DNMT3B: variants seen among roughly 807,000 people sequenced by gnomAD.
DNMT3B encodes DNA (cytosine-5)-methyltransferase 3B.
DNMT3B carries 37 observed loss-of-function variants against 120.2 expected under a neutral mutation model. The observed-to-expected ratio is 0.31, with a 90% CI of 0.24 to 0.40. The LOEUF is 0.40. Ranked by LOEUF, DNMT3B falls within the 10% of genes least tolerant of loss-of-function variation. The pLI is 1.00. For missense variants in DNMT3B, 878 were observed against 1,137.3 expected, an observed-to-expected ratio of 0.77 and a Z score of 3.28; for synonymous variants, 412 against 442.8, an observed-to-expected ratio of 0.93 and a Z score of 0.87.
intron 3 of DNMT3B, among the ~76,000 whole-genome samples, chr20:32,784,534 T>C (rs1363034589): frequency 2.0e-5 from 3 of 152,172 alleles, no homozygotes; most frequent in Admixed American, 2.0e-4. Flanking sequence ...GTGTGAGGCC[T>C]GCACGAGGAA....
Position 32,770,811 on chromosome 20 carries a change from C to T in DNMT3B, c.-7+8112C>T, listed in dbSNP as rs371746605. 5.3e-5 allele frequency among the ~76,000 whole-genome samples: 8 copies of T among 151,680 alleles called. No homozygotes were observed. The South Asian group carries it at 6.3e-4, about 12-fold the overall frequency. On this transcript the variant is annotated intron_variant, in intron 1 of 22. Coordinates refer to ENST00000328111, the MANE Select transcript of DNMT3B (RefSeq NM_006892.4). Reference sequence around the variant, plus strand: ...ATTTTTAGTGGAAACGGGGTTTCTCCGTGTTGGTCAGGCTGGTCTTGAACC... The same window carrying T: ...ATTTTTAGTGGAAACGGGGTTTCTCTGTGTTGGTCAGGCTGGTCTTGAACC...
chr20:32,796,946 G>A (rs750352959), intron 13 of DNMT3B, 77 bp downstream of exon 13: 5 of 1,614,038 alleles, frequency 3.1e-6, no homozygotes, highest in Non-Finnish European at 4.2e-6. Flanking sequence ...AACAGCACCT[G>A]TGTGGAGACT....
rs1311364860 is a variant in DNMT3B at position 32,807,966 on chromosome 20, C to T, written c.*63C>T. 1 of 1,612,808 alleles carries T rather than the reference C, an allele frequency of 6.2e-7. No homozygotes were observed. Among genetic ancestry groups the T allele is most frequent in the Non-Finnish European group, 8.5e-7 (1 of 1,179,450 alleles). On this transcript the variant is annotated 3_prime_UTR_variant, in exon 23 of 23. Transcript: ENST00000328111. ...GAGCCAGGACCCAGGAGGTGTGATT[C>T]CTGAAGGCATCCCCAGGCCCTGCTC...
At position 32,798,511 on chromosome 20, in the gene DNMT3B, C is replaced by T. The variant is rs140714949; in HGVS notation, c.1542C>T (p.Ala514=). Residue 514 remains alanine, a synonymous_variant, in exon 15 of 23, where the codon GCC becomes GCT. Coordinates refer to ENST00000328111, the MANE Select transcript of DNMT3B (RefSeq NM_006892.4). Reference sequence around the variant, plus strand: ...TGCTGGTGGGCACAGGCACAGCGGCCGAGGCCAAGCTTCAGGAGCCCTGGA... The same window carrying T: ...TGCTGGTGGGCACAGGCACAGCGGCTGAGGCCAAGCTTCAGGAGCCCTGGA... ...LEVLVGTGTA[A]EAKLQEPWSC... The T allele has an allele frequency of 8.9e-5, 144 of 1,614,084 alleles. No individual in the cohort carries two copies. The highest frequency in any genetic ancestry group is 1.2e-4 in the Non-Finnish European group (138 of 1,180,046).
At chr20:32,771,549 A>ACTTG (rs1987741899) in intron 1 of DNMT3B, among the ~76,000 whole-genome samples, 1 of 148,962 alleles carries the variant, frequency 6.7e-6, no homozygotes. Context: ...CAGGAGAATC[A>ACTTG]CTTGAACCCA....
chr20:32,789,189 C>T (rs6119285), intron 7 of DNMT3B, among the ~76,000 whole-genome samples, 177 bp downstream of exon 7: 20,088 of 152,200 alleles, frequency 0.13, 3,553 homozygotes, highest in African/African-American at 0.41. Context: ...TCCACTCACA[C>T]GGGGGACAAA....
rs1982152772 is a variant in DNMT3B at position 32,807,974 on chromosome 20, C to T, written c.*71C>T. The T allele has an allele frequency of 6.2e-7, 1 of 1,611,266 alleles. No homozygotes were observed. Among genetic ancestry groups the T allele is most frequent in the East Asian group, 2.2e-5 (1 of 44,856 alleles). On this transcript the variant is annotated 3_prime_UTR_variant, in exon 23 of 23. Coordinates refer to ENST00000328111, the MANE Select transcript of DNMT3B (RefSeq NM_006892.4). ...ACCCAGGAGGTGTGATTCCTGAAGG[C>T]ATCCCCAGGCCCTGCTCTTCCTCAG...
chr20:32,804,223 T>C (rs6119968), intron 20 of DNMT3B, among the ~76,000 whole-genome samples: 2,882 of 152,264 alleles, frequency 0.019, 87 homozygotes, highest in African/African-American at 0.065. Context: ...GCTTATAGGA[T>C]GGGTGTGTCA....
At chr20:32,763,299 T>G (rs1051963125) in intron 1 of DNMT3B, among the ~76,000 whole-genome samples, 5 of 152,050 alleles carry the variant, frequency 3.3e-5, no homozygotes, top group Non-Finnish European at 7.4e-5. Flanking sequence ...CGGGCTGGGG[T>G]GTGCGCCGTG....
intron 1 of DNMT3B, among the ~76,000 whole-genome samples, chr20:32,777,997 A>G (rs916114469): frequency 6.6e-6 from 1 of 152,232 alleles, no homozygotes; most frequent in Non-Finnish European, 1.5e-5. Flanking sequence ...TTTAACATGC[A>G]TATTAATCAC....
At chr20:32,796,914 C>T (rs763119305) in intron 13 of DNMT3B, 45 bp downstream of exon 13, 41 of 1,614,042 alleles carry the variant, frequency 2.5e-5, no homozygotes, top group South Asian at 8.8e-5. Flanking sequence ...CCCTTGCCTC[C>T]TCTAACTCCC....
chr20:32,805,121 G>A (rs1335824920), intron 20 of DNMT3B, among the ~76,000 whole-genome samples: 3 of 152,176 alleles, frequency 2.0e-5, no homozygotes, highest in Admixed American at 2.0e-4. Flanking sequence ...GTCCAGGCAG[G>A]GGAGCATTAC....
In DNMT3B at chr20:32,787,222, G is replaced by C; in HGVS notation, c.433-8G>C. The stretch of plus-strand genomic sequence containing the variant: ...TCTGGCCCAAACTATGTGTCCTTCT[G>C]TCCACAGTCCCTGAGACGGCGGGCA... On this transcript the variant is annotated splice_region_variant and splice_polypyrimidine_tract_variant and intron_variant, in intron 5 of 22. Transcript: ENST00000328111. 2 of 1,614,210 alleles carry C rather than the reference G, an allele frequency of 1.2e-6. No homozygotes were observed. The highest frequency in any genetic ancestry group is 1.7e-6 in the Non-Finnish European group (2 of 1,180,036).
At chr20:32,802,566 C>A (rs1158552847) in intron 20 of DNMT3B, 96 bp downstream of exon 20, 1 of 1,275,238 alleles carries the variant, frequency 7.8e-7, no homozygotes, top group Non-Finnish European at 1.1e-6. Flanking sequence ...CCTGGCTCTG[C>A]TGAGAAATAG....
chr20:32,800,707 C>T (rs1415424628), intron 17 of DNMT3B, 128 bp from the exon 18 acceptor site: 36 of 1,038,324 alleles, frequency 3.5e-5, no homozygotes, highest in South Asian at 1.5e-4. Flanking sequence ...AATCCACCCC[C>T]GCCGTCAGCC....
chr20:32,801,562 G>A, intron 19 of DNMT3B, 136 bp downstream of exon 19: 1 of 1,164,764 alleles, frequency 8.6e-7, no homozygotes. Flanking sequence ...AATAGTGAGG[G>A]ATTCAGTGGG....
At position 32,796,790 on chromosome 20, in the gene DNMT3B, A is replaced by G. The variant is rs1424661368; in HGVS notation, c.1298A>G (p.Asp433Gly). The change falls in exon 13 of 23, where the codon GAT (aspartate) becomes GGT (glycine). Residue 433 changes from aspartate to glycine, a missense_variant and splice_region_variant. Asp to Gly is a moderately conservative substitution (Grantham distance 94). This residue lies in a region of DNMT3B where 207 missense variants were observed against 222.6 expected (regional missense o/e 0.93). Transcript: ENST00000328111. ...DVANNKSSLE[D>G]GCLSCGRKNP... Reference sequence around the variant, plus strand: ...AGCCACAACCCTGTTTTTCTTACAGATGGCTGTTTGTCTTGTGGCAGGAAA... The same window carrying G: ...AGCCACAACCCTGTTTTTCTTACAGGTGGCTGTTTGTCTTGTGGCAGGAAA... 5 of 1,614,084 alleles carry G rather than the reference A, an allele frequency of 3.1e-6. No individual in the cohort carries two copies. The highest frequency in any genetic ancestry group is 1.7e-5 in the Admixed American group (1 of 60,010).
At chr20:32,773,929 C>A (rs1987899727) in intron 1 of DNMT3B, among the ~76,000 whole-genome samples, 1 of 104,852 alleles carries the variant, frequency 9.5e-6, no homozygotes, top group African/African-American at 4.2e-5. Flanking sequence ...CTGCGCCCGG[C>A]AGTGGTTTTT....
chr20:32,786,208 C>T (rs1979268378), intron 4 of DNMT3B, among the ~76,000 whole-genome samples: 1 of 152,226 alleles, frequency 6.6e-6, no homozygotes, highest in Non-Finnish European at 1.5e-5. Flanking sequence ...TTTTCAATCC[C>T]AATTGGCAGG....
Sources: allele counts gnomAD v4.1 joint callset (sites outside exome capture counted in the v4.1 genomes callset), GRCh38; gene constraint gnomAD v4.1.1; regional missense constraint gnomAD v4.1.1; transcripts MANE v1.5; gene names NCBI Gene and HGNC (gene_info 2026-07-23, HGNC 2026-07-21).